The following CSMD3 variants were observed in gnomAD, a reference collection of about 807,000 sequenced individuals.
The protein encoded by CSMD3 is CUB and sushi domain-containing protein 3.
In CSMD3, 177 loss-of-function variants were observed where a neutral mutation model predicts 435.2. The observed-to-expected ratio is 0.41, with a 90% CI of 0.36 to 0.46. The LOEUF (loss-of-function observed/expected upper bound fraction) is 0.46. Among genes scored for constraint, CSMD3 ranks in the 20% least tolerant of loss-of-function variants. The pLI is 0.34. For missense variants in CSMD3, 4,265 were observed against 4,504.6 expected (o/e 0.95, Z 1.52); for synonymous variants, 1,656 against 1,520.5 (o/e 1.09, Z -2.07).
chr8:113,108,212 G>T lies in CSMD3; in HGVS notation c.710-9249C>A, dbSNP rs1179121418. 4.3e-4 allele frequency among the ~76,000 whole-genome samples: 65 copies of T among 151,954 alleles called. 1 individual carries two copies. Reference sequence around the variant, plus strand: ...CGGGAGGCCAAGGCAGGTGGATCACGAGGTCAAGAGATTGAGACCATCCTG... The same window carrying T: ...CGGGAGGCCAAGGCAGGTGGATCACTAGGTCAAGAGATTGAGACCATCCTG... On this transcript the variant is annotated intron_variant, in intron 4 of 70. Coordinates refer to ENST00000297405, the MANE Select transcript of CSMD3 (RefSeq NM_198123.2).
intron 13 of CSMD3, among the ~76,000 whole-genome samples, chr8:112,758,351 CA>C (rs5894102): frequency 3.4e-5 from 4 of 117,544 alleles, no homozygotes; most frequent in Admixed American, 8.2e-5. Context: ...GACTCCATTT[CA>C]AAAAAAAAAA....
At chr8:112,465,673 C>T (rs1205079908) in intron 32 of CSMD3, among the ~76,000 whole-genome samples, 1 of 152,026 alleles carries the variant, frequency 6.6e-6, no homozygotes, top group Non-Finnish European at 1.5e-5. Context: ...ATTAAAACAA[C>T]CATCAGTTAG....
chr8:112,649,380 G>T (rs1018605472), intron 19 of CSMD3, among the ~76,000 whole-genome samples: 13 of 152,178 alleles, frequency 8.5e-5, no homozygotes, highest in African/African-American at 3.1e-4. Context: ...AAAAAATGAT[G>T]GCACTGACAG....
intron 27 of CSMD3, among the ~76,000 whole-genome samples, chr8:112,536,864 T>G (rs1296968768): frequency 1.3e-5 from 2 of 151,970 alleles, no homozygotes; most frequent in Non-Finnish European, 2.9e-5. Context: ...TTCATGTCCT[T>G]TGTAGGGACA....
chr8:112,401,180 G>C lies in CSMD3; in HGVS notation c.5809+5344C>G, dbSNP rs540541413. Among the ~76,000 whole-genome samples, 20 of 152,194 alleles carry C rather than the reference G, an allele frequency of 1.3e-4. 1 individual carries two copies. The South Asian group carries it at 4.2e-3, about 32-fold the overall frequency. Reference sequence around the variant, plus strand: ...ATCGCACCACTGCACTCTAGCCTGGGTGACAGTGCAAGACTCCATTTCAAA... The same window carrying C: ...ATCGCACCACTGCACTCTAGCCTGGCTGACAGTGCAAGACTCCATTTCAAA... On this transcript the variant is annotated intron_variant, in intron 35 of 70. Transcript: ENST00000297405.
chr8:113,430,465 T>C (rs2094665402), intron 1 of CSMD3, among the ~76,000 whole-genome samples: 1 of 152,194 alleles, frequency 6.6e-6, no homozygotes, highest in African/African-American at 2.4e-5. Context: ...TGACCTTCAG[T>C]GGCTCCAGAG....
chr8:113,227,580 A>G (rs2132167392), intron 3 of CSMD3, among the ~76,000 whole-genome samples: 1 of 151,766 alleles, frequency 6.6e-6, no homozygotes, highest in South Asian at 2.1e-4. Context: ...TGATTGGATC[A>G]TGGAAGTGGT....
At chr8:112,514,905 T>C in intron 28 of CSMD3, among the ~76,000 whole-genome samples, 1 of 152,142 alleles carries the variant, frequency 6.6e-6, no homozygotes, top group South Asian at 2.1e-4. Flanking sequence ...ACTTTTTTTT[T>C]AAGGTTATTT....
At chr8:112,898,414 T>A (rs1157682160) in intron 10 of CSMD3, among the ~76,000 whole-genome samples, 1 of 151,344 alleles carries the variant, frequency 6.6e-6, no homozygotes, top group East Asian at 2.0e-4. Flanking sequence ...AGCCCAATTT[T>A]TATGTTACTT....
chr8:112,684,082 A>G (rs1416130056), intron 15 of CSMD3, among the ~76,000 whole-genome samples: 1 of 151,920 alleles, frequency 6.6e-6, no homozygotes, highest in Non-Finnish European at 1.5e-5. Flanking sequence ...GAACAGAACC[A>G]GGAAAAGGGA....
intron 1 of CSMD3, among the ~76,000 whole-genome samples, chr8:113,369,250 A>G (rs183132312): frequency 3.1e-4 from 47 of 152,108 alleles, no homozygotes; most frequent in African/African-American, 1.0e-3. Context: ...ATAATAATAA[A>G]ATAAAATTTG....
At chr8:112,644,571 A>G (rs1490949535) in intron 20 of CSMD3, among the ~76,000 whole-genome samples, 2 of 152,080 alleles carry the variant, frequency 1.3e-5, no homozygotes, top group Admixed American at 1.3e-4. Context: ...TACCTTATGC[A>G]GAGTGCAATT....
chr8:112,232,531 C>A (rs543558633), intron 68 of CSMD3, among the ~76,000 whole-genome samples: 2 of 152,182 alleles, frequency 1.3e-5, no homozygotes, highest in African/African-American at 2.4e-5. Context: ...ATCGCTTGAA[C>A]CTGGGAGGTA....
At chr8:113,088,875 A>C (rs1433328217) in intron 5 of CSMD3, among the ~76,000 whole-genome samples, 1 of 150,654 alleles carries the variant, frequency 6.6e-6, no homozygotes, top group Non-Finnish European at 1.5e-5. Flanking sequence ...AAAAAATAAA[A>C]TAAATAAAGA....
intron 54 of CSMD3, 48 bp downstream of exon 54, chr8:112,295,785 T>A: frequency 6.5e-7 from 1 of 1,537,938 alleles, no homozygotes; most frequent in Non-Finnish European, 9.0e-7. Context: ...AAACTAGAAT[T>A]ATTCCAAAGA....
At chr8:112,529,893 T>A (rs563918285) in intron 27 of CSMD3, among the ~76,000 whole-genome samples, 1 of 152,058 alleles carries the variant, frequency 6.6e-6, no homozygotes, top group African/African-American at 2.4e-5. Context: ...AAAATAACTA[T>A]CATAAAGATG....
At chr8:113,368,024 CATT>C (rs1443706719) in intron 1 of CSMD3, among the ~76,000 whole-genome samples, 3 of 152,064 alleles carry the variant, frequency 2.0e-5, no homozygotes, top group Admixed American at 1.3e-4. Context: ...CTGACTGCAT[CATT>C]ATTTGGTACA....
At chr8:112,299,081 AAGAAGCCTT>A (rs1464054416) in intron 53 of CSMD3, among the ~76,000 whole-genome samples, 1 of 152,142 alleles carries the variant, frequency 6.6e-6, no homozygotes, top group Non-Finnish European at 1.5e-5. Flanking sequence ...AAGAGAATAA[AAGAAGCCTT>A]ATACAAAAGA....
intron 1 of CSMD3, among the ~76,000 whole-genome samples, chr8:113,389,145 G>A (rs2094451156): frequency 6.6e-6 from 1 of 151,518 alleles, no homozygotes; most frequent in African/African-American, 2.4e-5. Flanking sequence ...CTCACCTGTG[G>A]CTAATTCCCA....
Sources: gnomAD v4.1 joint callset for allele counts (sites outside exome capture counted in the v4.1 genomes callset) on GRCh38, gnomAD v4.1.1 for gene constraint, MANE v1.5 for transcripts, NCBI Gene and HGNC (gene_info 2026-07-23, HGNC 2026-07-21) for gene names.